PIGG: variants seen among roughly 807,000 people sequenced by gnomAD.
The protein encoded by PIGG is GPI ethanolamine phosphate transferase 2, catalytic subunit.
PIGG carries 70 observed loss-of-function variants against 83.2 expected under a neutral mutation model. The observed-to-expected ratio is 0.84, with a 90% confidence interval of 0.69 to 1.03. The LOEUF (loss-of-function observed/expected upper bound fraction) is 1.03. Among genes scored for constraint, PIGG ranks in the 50% least tolerant of loss-of-function variants. The probability of loss-of-function intolerance (pLI) is 0.00; values close to 1 mark genes in which losing one functional copy is unlikely to be tolerated. For synonymous variants in PIGG, 532 were observed against 519.5 expected (o/e 1.02, Z -0.33); for missense variants, 1,257 against 1,233.6 (o/e 1.02, Z -0.28).
At chr4:507,697 C>T in intron 4 of PIGG, 104 bp downstream of exon 4, 7 of 974,582 alleles carry the variant, frequency 7.2e-6, no homozygotes, top group Non-Finnish European at 9.1e-6. Flanking sequence ...TGTGAATGTC[C>T]ACCATCAGTC....
chr4:499,862 C>G, intron 1 of PIGG: 2 of 362,506 alleles, frequency 5.5e-6, no homozygotes, highest in Non-Finnish European at 8.6e-6. Flanking sequence ...CAGATAAGAC[C>G]CCTGCCGATC....
At chr4:537,183 G>A (rs1464038179) in intron 12 of PIGG, 1 of 152,152 alleles carries the variant, frequency 6.6e-6, no homozygotes, top group African/African-American at 2.4e-5. Context: ...AGTAGAGTAG[G>A]AAAACTATAA....
intron 12 of PIGG, chr4:537,474 A>G (rs1246419215): frequency 2.0e-5 from 3 of 152,242 alleles, no homozygotes; most frequent in African/African-American, 7.2e-5. Flanking sequence ...CTTAGCCACG[A>G]ATCTTCCTGC....
Position 507,558 on chromosome 4 carries a change from G to T in PIGG, c.724G>T (p.Val242Leu). The change falls in exon 4 of 13, where the codon GTG (valine) becomes TTG (leucine). Residue 242 changes from valine to leucine, a missense_variant. Physicochemically the swap from Val to Leu is conservative, Grantham distance 32 (BLOSUM62 1). Transcript: ENST00000453061. ...IGQKLSEMDSVLMKIHTSLQS... is the reference protein window; with the variant it reads ...IGQKLSEMDSLLMKIHTSLQS... The stretch of plus-strand genomic sequence containing the variant: ...GCAGAAGCTGAGCGAGATGGACAGC[G>T]TGCTGATGAAGATCCACACCTCACT... The T allele has an allele frequency of 6.2e-7, 1 of 1,613,988 alleles. No individual in the cohort carries two copies. Among genetic ancestry groups the T allele is most frequent in the Non-Finnish European group, 8.5e-7 (1 of 1,179,992 alleles).
At chr4:533,450 A>AG (rs1429651766) in intron 11 of PIGG, 2 of 195,510 alleles carry the variant, frequency 1.0e-5, no homozygotes, top group Non-Finnish European at 2.1e-5. Flanking sequence ...GGGGTCCTTG[A>AG]GGGGAGCTTC....
intron 5 of PIGG, among the ~76,000 whole-genome samples, chr4:513,033 C>T (rs980852671): frequency 9.2e-5 from 14 of 152,124 alleles, no homozygotes; most frequent in Non-Finnish European, 1.9e-4. Flanking sequence ...GTTTCTGCCC[C>T]ACTGGGCTAG....
Position 521,698 on chromosome 4 carries a change from G to A in PIGG, c.1371G>A (p.Leu457=), listed in dbSNP as rs1725943504. ...TCCTGCTCAGCGTCCCACAGGCACT[G>A]CGCAGAAAGGCTGAGCTGGAAGTCC... ...TLLLLSVPQA[L]RRKAELEVPL... is the part of the protein sequence containing the mutation. The change falls in exon 8 of 13, where the codon CTG becomes CTA. Residue 457 remains leucine (L), a synonymous_variant. Coordinates refer to ENST00000453061, the MANE Select transcript of PIGG (RefSeq NM_001127178.3). 1 of 1,614,188 alleles carries A rather than the reference G, an allele frequency of 6.2e-7. No homozygotes were observed. Among genetic ancestry groups the A allele is most frequent in the Non-Finnish European group, 8.5e-7 (1 of 1,180,014 alleles).
chr4:539,037 G>T (rs563655688), intron 12 of PIGG, 116 bp from the exon 13 acceptor site: 1 of 664,284 alleles, frequency 1.5e-6, no homozygotes, highest in Non-Finnish European at 2.7e-6. Flanking sequence ...GAAGGAACGC[G>T]GTGCCCTCTA....
At position 528,152 on chromosome 4, in the gene PIGG, T is replaced by C; in HGVS notation, c.2261+922T>C. ...GCTCTGCAGAGGGGTCTTCTGGCTG[T>C]TAGGCAGCCTATTTTCACAGAACAG... On this transcript the variant is annotated intron_variant, in intron 10 of 12. Coordinates refer to ENST00000453061, the MANE Select transcript of PIGG (RefSeq NM_001127178.3). This position sits in a 1 kb window ranked among gnomAD's most constrained non-coding sequence, Gnocchi z 4.8. The C allele has an allele frequency of 1.0e-6, 1 of 985,314 alleles. No homozygotes were observed. Among genetic ancestry groups the C allele is most frequent in the Non-Finnish European group, 1.2e-6 (1 of 829,846 alleles). 61.0% of individuals were successfully genotyped at this position (985,314 alleles called of 1,614,324 possible).
Position 521,791 on chromosome 4 carries a change from C to G in PIGG, c.1464C>G (p.Val488=). 3 of 1,614,202 alleles carry G rather than the reference C, an allele frequency of 1.9e-6. No homozygotes were observed. Among genetic ancestry groups the G allele is most frequent in the Non-Finnish European group, 2.5e-6 (3 of 1,180,042 alleles). ...TCCTGGTTCTTTCGGCCGTTCACGT[C>G]ATTGTGTGCACCTCAGCTGAAAGTT... ...LVILVLSAVH[V]IVCTSAESSC... The change falls in exon 8 of 13, where the codon GTC becomes GTG. Residue 488 remains valine (V), a synonymous_variant. Coordinates refer to ENST00000453061, the MANE Select transcript of PIGG (RefSeq NM_001127178.3).
chr4:539,170 ATGCT>A lies in PIGG; in HGVS notation c.2759_2762del (p.Cys920SerfsTer5). 2 of 1,611,700 alleles carry A rather than the reference ATGCT, an allele frequency of 1.2e-6. No individual in the cohort carries two copies. Among genetic ancestry groups the A allele is most frequent in the Non-Finnish European group, 1.7e-6 (2 of 1,178,228 alleles). On this transcript the variant is annotated frameshift_variant, in exon 13 of 13. Transcript: ENST00000453061. LOFTEE classifies it low-confidence loss of function (END_TRUNC). ...ATTAACAGTGGTTCAGCACTGAGTC[ATGCT>A]TGCTTCTGCTACGCACTGATTTGTT...
In PIGG at chr4:530,740, T is replaced by C. The variant is rs1399244801; in HGVS notation, c.2566T>C (p.Phe856Leu). 1 of 1,601,068 alleles carries C rather than the reference T, an allele frequency of 6.2e-7. No homozygotes were observed. Among genetic ancestry groups the C allele is most frequent in the Non-Finnish European group, 8.5e-7 (1 of 1,169,728 alleles). The change falls in exon 11 of 13, where the codon TTT becomes CTT. Residue 856 changes from phenylalanine to leucine, a missense_variant. Transcript: ENST00000453061. ...HYWFGQAFFY[F>L]QGNSNNIATV... The stretch of plus-strand genomic sequence containing the variant: ...TTGGTTTGGTCAAGCATTCTTCTAT[T>C]TTCAGGTAGGTTTTCATTATTATCA...
chr4:507,285 C>T, intron 3 of PIGG, 120 bp from the exon 4 acceptor site: 2 of 756,454 alleles, frequency 2.6e-6, no homozygotes, highest in South Asian at 3.7e-5. Context: ...GTTTCAACTC[C>T]CCCAAATCCT....
In PIGG at chr4:527,623, A is replaced by G. The variant is rs1025571567; in HGVS notation, c.2261+393A>G. On this transcript the variant is annotated intron_variant, in intron 10 of 12. Transcript: ENST00000453061. ...TTTCCTGGTCAGGGTGTAATTGGTG[A>G]TGAGGATGATGAGTGGATGTTTCCC... is the stretch of plus-strand genomic sequence containing the variant. The G allele has an allele frequency of 1.5e-5, 15 of 996,352 alleles. No homozygotes were observed. The South Asian group carries it at 6.4e-4, about 43-fold the overall frequency. The allele number at this position is 996,352 out of a possible 1,614,324, so 61.7% of individuals were successfully genotyped here. A position where few individuals can be genotyped will look rare whatever the true frequency, so the allele number is the denominator to read the frequency against.
intron 10 of PIGG, 137 bp from the exon 11 acceptor site, chr4:530,299 G>A (rs946929192): frequency 9.3e-6 from 6 of 644,324 alleles, no homozygotes; most frequent in Non-Finnish European, 1.6e-5. Context: ...GGGTAGGGAG[G>A]GTGCCGCGGC....
In PIGG at chr4:499,236, C is replaced by T. The variant is rs1716574639; in HGVS notation, c.-100C>T. ...CTGTCGCTGCGACGATAAGGCCTGGCGTTATTGCTTAGAGGCGGCTACCTG... is the reference window on the plus strand; with the variant it reads ...CTGTCGCTGCGACGATAAGGCCTGGTGTTATTGCTTAGAGGCGGCTACCTG... On this transcript the variant is annotated 5_prime_UTR_variant, in exon 1 of 13. Coordinates refer to ENST00000453061, the MANE Select transcript of PIGG (RefSeq NM_001127178.3). 14 of 1,294,778 alleles carry T rather than the reference C, an allele frequency of 1.1e-5. No homozygotes were observed. The East Asian group carries it at 2.3e-4, about 21-fold the overall frequency. The allele number at this position is 1,294,778 out of a possible 1,614,324, so 80.2% of individuals were successfully genotyped here.
In PIGG at chr4:507,551, G is replaced by A. The variant is rs1427749455; in HGVS notation, c.717G>A (p.Met239Ile). The change falls in exon 4 of 13, where the codon ATG (methionine) becomes ATA (isoleucine). Residue 239 changes from methionine to isoleucine, a missense_variant. Coordinates refer to ENST00000453061, the MANE Select transcript of PIGG (RefSeq NM_001127178.3). ...TGATTGGGCAGAAGCTGAGCGAGAT[G>A]GACAGCGTGCTGATGAAGATCCACA... ...SPLIGQKLSE[M>I]DSVLMKIHTS... 11 of 1,613,396 alleles carry A rather than the reference G, an allele frequency of 6.8e-6. No homozygotes were observed. The highest frequency in any genetic ancestry group is 1.7e-5 in the Admixed American group (1 of 59,946).
chr4:527,836 G>A, intron 10 of PIGG: 1 of 985,344 alleles, frequency 1.0e-6, no homozygotes, highest in Non-Finnish European at 1.2e-6. Flanking sequence ...ACACAGGAGT[G>A]GGATGAGCAG....
intron 12 of PIGG, among the ~76,000 whole-genome samples, chr4:538,426 A>G (rs902674244): frequency 1.3e-5 from 2 of 152,234 alleles, no homozygotes; most frequent in African/African-American, 4.8e-5. Flanking sequence ...TCCACACCAC[A>G]GCAGGGAGAA....
Sources: gnomAD v4.1 joint callset for allele counts (sites outside exome capture counted in the v4.1 genomes callset) on GRCh38, gnomAD v4.1.1 for gene constraint, Gnocchi (gnomAD v3.1) non-coding constraint, MANE v1.5 for transcripts, NCBI Gene and HGNC (gene_info 2026-07-23, HGNC 2026-07-21) for gene names.